PJA2: variants seen among roughly 807,000 people sequenced by gnomAD.
PJA2 encodes the protein E3 ubiquitin-protein ligase Praja-2.
In PJA2, 25 loss-of-function variants were observed where a neutral mutation model predicts 69.3. That is an observed-to-expected ratio of 0.36 (90% CI 0.26 to 0.50). The LOEUF (loss-of-function observed/expected upper bound fraction) is 0.50, where lower values mean the gene tolerates loss of function less well. Ranked by LOEUF, PJA2 falls within the 20% of genes least tolerant of loss-of-function variation. The probability of loss-of-function intolerance (pLI) is 0.96; values close to 1 mark genes in which losing one functional copy is unlikely to be tolerated. For synonymous variants in PJA2, 308 were observed against 277.8 expected (o/e 1.11, Z -1.08); for missense variants, 809 against 830.2 (o/e 0.97, Z 0.31).
At chr5:109,348,811 A>G (rs1399821352) in intron 7 of PJA2, among the ~76,000 whole-genome samples, 1 of 152,178 alleles carries the variant, frequency 6.6e-6, no homozygotes, top group African/African-American at 2.4e-5. Flanking sequence ...AGTTATAGCT[A>G]TCATTCAGTC....
In PJA2 at chr5:109,387,526, C is replaced by G. The variant is rs1747186017; in HGVS notation, c.-87-4006G>C. Among the ~76,000 whole-genome samples the G allele has an allele frequency of 2.0e-5, 3 of 152,316 alleles. No homozygotes were observed. The South Asian group carries it at 6.2e-4, about 32-fold the overall frequency. ...TACTATTCACCTAACATGTTTATAA[C>G]AGACTGCTCTCTACTTGTGACAATT... is the stretch of plus-strand genomic sequence containing the variant. On this transcript the variant is annotated intron_variant, in intron 1 of 9. Transcript: ENST00000361189.
intron 7 of PJA2, 89 bp from the exon 8 acceptor site, chr5:109,344,908 C>T: frequency 1.3e-6 from 1 of 761,612 alleles, no homozygotes; most frequent in Non-Finnish European, 2.2e-6. Flanking sequence ...AATTATATCA[C>T]CATTATTCTC....
rs1422035536 is a variant in PJA2 at position 109,379,117 on chromosome 5, G to C, written c.370C>G (p.His124Asp). ...AAGGTATCCCTGCCTTCCTCACTGTGATGTACTGCAACAAAGGATTGACTG... is the reference window on the plus strand; with the variant it reads ...AAGGTATCCCTGCCTTCCTCACTGTCATGTACTGCAACAAAGGATTGACTG... ...ESSQSFVAVHHSEEGRDTLGS... is the reference protein window; with the variant it reads ...ESSQSFVAVHDSEEGRDTLGS... Residue 124 changes from histidine to aspartate, a missense_variant, in exon 4 of 10, where the codon CAC (histidine) becomes GAC (aspartate). His to Asp is a moderately conservative substitution (Grantham distance 81, BLOSUM62 -1). Around this residue, in one of 4 missense-constraint regions of PJA2, gnomAD observed 700 missense variants for 639.5 expected, o/e 1.09. Coordinates refer to ENST00000361189, the MANE Select transcript of PJA2 (RefSeq NM_014819.5). 22 of 1,613,958 alleles carry C rather than the reference G, an allele frequency of 1.4e-5. No individual in the cohort carries two copies. The highest frequency in any genetic ancestry group is 2.7e-5 in the African/African-American group (2 of 74,884).
At chr5:109,339,496 G>C (rs1024650393) in intron 9 of PJA2, among the ~76,000 whole-genome samples, 1 of 152,080 alleles carries the variant, frequency 6.6e-6, no homozygotes, top group Non-Finnish European at 1.5e-5. Flanking sequence ...AAATAAAGTA[G>C]GTCACTACAA....
chr5:109,366,428 T>C (rs966633666), intron 5 of PJA2, among the ~76,000 whole-genome samples: 4 of 152,234 alleles, frequency 2.6e-5, no homozygotes, highest in African/African-American at 4.8e-5. Context: ...TCAATATCTC[T>C]GCTCTTGCTT....
chr5:109,372,107 G>A (rs528151565), intron 4 of PJA2, among the ~76,000 whole-genome samples: 1 of 152,144 alleles, frequency 6.6e-6, no homozygotes, highest in South Asian at 2.1e-4. Context: ...AATTTGATGT[G>A]CTACCTATAT....
intron 7 of PJA2, among the ~76,000 whole-genome samples, chr5:109,353,751 A>G (rs111217493): frequency 0.024 from 3,322 of 139,744 alleles, 162 homozygotes; most frequent in African/African-American, 0.053. Context: ...TAGATTAGAT[A>G]TCTATGATAT....
intron 4 of PJA2, among the ~76,000 whole-genome samples, chr5:109,377,466 A>G (rs1051849147): frequency 6.7e-6 from 1 of 149,774 alleles, no homozygotes; most frequent in Non-Finnish European, 1.5e-5. Flanking sequence ...TATGGTTTGG[A>G]AAAAAAAGAT....
chr5:109,372,933 A>G (rs1469790274), intron 4 of PJA2, among the ~76,000 whole-genome samples: 3 of 146,464 alleles, frequency 2.0e-5, no homozygotes, highest in Admixed American at 1.4e-4. Flanking sequence ...AAAAGAAAGA[A>G]AGAAAAAAAA....
In PJA2 at chr5:109,344,358, A is replaced by T. The variant is rs745995820; in HGVS notation, c.1880-47T>A. On this transcript the variant is annotated intron_variant, in intron 8 of 9. Transcript: ENST00000361189. ...GGTCAATCACACGTAGTTCAATTTT[A>T]GTAAAACTGAAAAGCAACATATTAT... 4 of 1,551,596 alleles carry T rather than the reference A, an allele frequency of 2.6e-6. No individual in the cohort carries two copies. In the South Asian group the frequency reaches 5.0e-5, roughly 19 times the overall value.
At chr5:109,337,411 G>T in intron 9 of PJA2, 55 bp from the exon 10 acceptor site, 1 of 1,507,790 alleles carries the variant, frequency 6.6e-7, no homozygotes, top group Non-Finnish European at 8.9e-7. Flanking sequence ...TGCCACACAA[G>T]TAACTTAATA....
chr5:109,384,023 C>T (rs1747106928), intron 1 of PJA2, among the ~76,000 whole-genome samples: 1 of 152,204 alleles, frequency 6.6e-6, no homozygotes, highest in South Asian at 2.1e-4. Context: ...TACAGATTTA[C>T]ATCTGCTCTT....
chr5:109,399,005 A>G (rs945715345), intron 1 of PJA2, among the ~76,000 whole-genome samples: 2 of 152,036 alleles, frequency 1.3e-5, no homozygotes, highest in African/African-American at 4.8e-5. Flanking sequence ...TGAGGTCAGG[A>G]GTTCGAGACC....
chr5:109,345,649 A>G (rs1307039561), intron 7 of PJA2, among the ~76,000 whole-genome samples: 1 of 152,164 alleles, frequency 6.6e-6, no homozygotes, highest in Non-Finnish European at 1.5e-5. Flanking sequence ...AATAATAAAC[A>G]TTTTGGAAAG....
chr5:109,395,910 G>T (rs1747395727), intron 1 of PJA2, among the ~76,000 whole-genome samples: 1 of 150,816 alleles, frequency 6.6e-6, no homozygotes, highest in Non-Finnish European at 1.5e-5. Flanking sequence ...TGAGGCAGGA[G>T]AATCACTTGA....
At chr5:109,371,714 C>T (rs1762678275) in intron 4 of PJA2, among the ~76,000 whole-genome samples, 1 of 152,104 alleles carries the variant, frequency 6.6e-6, no homozygotes, top group South Asian at 2.1e-4. Context: ...GCTCTTTTTT[C>T]TAATGCTACT....
At chr5:109,383,131 C>CA (rs1335287892) in intron 2 of PJA2, among the ~76,000 whole-genome samples, 1 of 152,084 alleles carries the variant, frequency 6.6e-6, no homozygotes, top group African/African-American at 2.4e-5. Flanking sequence ...ACTCCAGAAC[C>CA]AATGCCCTTA....
At chr5:109,395,549 C>T (rs561609983) in intron 1 of PJA2, among the ~76,000 whole-genome samples, 1 of 152,016 alleles carries the variant, frequency 6.6e-6, no homozygotes, top group Non-Finnish European at 1.5e-5. Context: ...TAAAAATCTT[C>T]CCACAAGGAA....
Position 109,378,933 on chromosome 5 carries a change from G to A in PJA2, c.554C>T (p.Ala185Val). Residue 185 changes from alanine (A) to valine (V), a missense_variant, in exon 4 of 10, where the codon GCA (alanine) becomes GTA (valine). Physicochemically the swap from Ala to Val is moderately conservative, Grantham distance 64. Transcript: ENST00000361189. ...GTATCTACTACCTTCCACGACTTCT[G>A]CAGAAAGTTGAAGATGGTCATTATC... ...GEDNDHLQLS[A>V]EVVEGSRYQE... is the part of the protein sequence containing the mutation. 6.2e-7 allele frequency: 1 copy of A among 1,614,134 alleles called. No homozygotes were observed. Among genetic ancestry groups the A allele is most frequent in the East Asian group, 2.2e-5 (1 of 44,882 alleles).
Sources: gnomAD v4.1 joint callset for allele counts (sites outside exome capture counted in the v4.1 genomes callset) on GRCh38, gnomAD v4.1.1 for gene constraint, gnomAD v4.1.1 regional missense constraint, MANE v1.5 for transcripts, NCBI Gene and HGNC (gene_info 2026-07-23, HGNC 2026-07-21) for gene names.